DYNC1I2: variants seen among roughly 807,000 people sequenced by gnomAD.
DYNC1I2 encodes dynein cytoplasmic 1 intermediate chain 2.
In DYNC1I2, 53 loss-of-function variants were observed where a neutral mutation model predicts 88.6. That is an observed-to-expected ratio of 0.60 (90% confidence interval 0.48 to 0.75). The LOEUF is 0.75. DYNC1I2 is among the 30% of genes least tolerant of loss of function. The pLI is 0.00. For synonymous variants in DYNC1I2, 198 were observed against 254.6 expected, an observed-to-expected ratio of 0.78 and a Z score of 2.12; for missense variants, 458 against 766.6, an observed-to-expected ratio of 0.60 and a Z score of 4.75.
intron 7 of DYNC1I2, among the ~76,000 whole-genome samples, chr2:171,723,079 G>A (rs1193217340): frequency 6.6e-6 from 1 of 152,154 alleles, no homozygotes; most frequent in Admixed American, 6.5e-5. Context: ...AAGGAAAAGA[G>A]TGTCTATAAA....
chr2:171,692,872 G>T lies in DYNC1I2; in HGVS notation c.204G>T (p.Gly68=). ...CTGAAGCATTGCTTCAAAGCATGGG[G>T]CTAACTCCAGAATCCCCCATTGGTA... ...REAEALLQSM[G]LTPESPIVFS... is the part of the protein sequence containing the mutation. Residue 68 remains glycine (G), a synonymous_variant, in exon 3 of 18, where the codon GGG becomes GGT. Coordinates refer to ENST00000397119, the MANE Select transcript of DYNC1I2 (RefSeq NM_001378.3). 1 of 1,602,666 alleles carries T rather than the reference G, an allele frequency of 6.2e-7. No homozygotes were observed. The highest frequency in any genetic ancestry group is 8.5e-7 in the Non-Finnish European group (1 of 1,174,210).
rs1685311297 is a variant in DYNC1I2 at position 171,690,407 on chromosome 2, T to C, written c.108+144T>C. On this transcript the variant is annotated intron_variant, in intron 2 of 17. Coordinates refer to ENST00000397119, the MANE Select transcript of DYNC1I2 (RefSeq NM_001378.3). ...AATTATGATTGCTTTTGCACAAACC[T>C]AATAATTTCAGGATAGTTAAAAATC... The C allele has an allele frequency of 5.1e-6, 3 of 585,372 alleles. No homozygotes were observed. The South Asian group carries it at 8.4e-5, about 16-fold the overall frequency. 36.3% of individuals were successfully genotyped at this position (585,372 alleles called of 1,614,324 possible).
At chr2:171,719,836 G>A (rs1409358606) in intron 7 of DYNC1I2, among the ~76,000 whole-genome samples, 1 of 152,214 alleles carries the variant, frequency 6.6e-6, no homozygotes, top group South Asian at 2.1e-4. Context: ...GTCTTAAAGC[G>A]CCTACTGTGA....
intron 5 of DYNC1I2, among the ~76,000 whole-genome samples, chr2:171,708,581 A>G (rs1434477724): frequency 1.3e-5 from 2 of 152,220 alleles, no homozygotes; most frequent in African/African-American, 4.8e-5. Context: ...CTTATAAAAT[A>G]GTATGCATTA....
intron 14 of DYNC1I2, among the ~76,000 whole-genome samples, chr2:171,729,341 G>A (rs1227022658): frequency 2.0e-5 from 3 of 152,038 alleles, no homozygotes; most frequent in African/African-American, 7.2e-5. Flanking sequence ...AAAAAAAATT[G>A]AGTGTCCAGA....
chr2:171,728,621 A>G (rs1019990318), intron 13 of DYNC1I2, 96 bp from the exon 14 acceptor site: 4 of 1,127,092 alleles, frequency 3.5e-6, no homozygotes, highest in Non-Finnish European at 4.9e-6. Context: ...TATGTAAATA[A>G]TAAAAGAATT....
At chr2:171,747,689 A>G in intron 17 of DYNC1I2, 87 bp from the exon 18 acceptor site, 1 of 912,728 alleles carries the variant, frequency 1.1e-6, no homozygotes, top group Non-Finnish European at 1.6e-6. Context: ...TTTTTAACAG[A>G]AAAATTATTT....
intron 7 of DYNC1I2, among the ~76,000 whole-genome samples, chr2:171,715,779 G>C (rs762565966): frequency 2.6e-5 from 4 of 152,050 alleles, no homozygotes; most frequent in Non-Finnish European, 5.9e-5. Flanking sequence ...TTCTGTCATT[G>C]AGCATAATTC....
intron 15 of DYNC1I2, among the ~76,000 whole-genome samples, chr2:171,740,991 A>G (rs760441959): frequency 1.3e-5 from 2 of 152,170 alleles, no homozygotes; most frequent in African/African-American, 4.8e-5. Flanking sequence ...GGAAACCACT[A>G]ATCAATCTAC....
chr2:171,745,914 A>G lies in DYNC1I2; in HGVS notation c.1790A>G (p.Tyr597Cys). 1 of 1,613,732 alleles carries G rather than the reference A, an allele frequency of 6.2e-7. No individual in the cohort carries two copies. The highest frequency in any genetic ancestry group is 8.5e-7 in the Non-Finnish European group (1 of 1,179,718). ...GATTCTGAAGGACAGATTGTTATATACGATGTGGGAGAGGTATGGGACTCC... is the reference window on the plus strand; with the variant it reads ...GATTCTGAAGGACAGATTGTTATATGCGATGTGGGAGAGGTATGGGACTCC... ...VGDSEGQIVIYDVGEQIAVPR... is the reference protein window; with the variant it reads ...VGDSEGQIVICDVGEQIAVPR... The change falls in exon 17 of 18, where the codon TAC becomes TGC. Residue 597 changes from tyrosine to cysteine, a missense_variant. By Grantham distance (194) the Tyr-to-Cys change is radical. Transcript: ENST00000397119.
chr2:171,728,571 A>G (rs1452877781), intron 13 of DYNC1I2, 146 bp from the exon 14 acceptor site: 4 of 848,758 alleles, frequency 4.7e-6, no homozygotes, highest in Non-Finnish European at 7.0e-6. Context: ...TTTCATATAT[A>G]TATATTTTAC....
At chr2:171,720,183 G>A (rs918972745) in intron 7 of DYNC1I2, among the ~76,000 whole-genome samples, 5 of 151,934 alleles carry the variant, frequency 3.3e-5, no homozygotes, top group African/African-American at 4.8e-5. Context: ...AGAGAATATC[G>A]GGCATACATC....
chr2:171,696,626 A>C (rs1199984974), intron 3 of DYNC1I2, among the ~76,000 whole-genome samples: 2 of 152,140 alleles, frequency 1.3e-5, no homozygotes, highest in Non-Finnish European at 2.9e-5. Flanking sequence ...TGAGGTAGGG[A>C]TCCAACCTAA....
intron 10 of DYNC1I2, 111 bp downstream of exon 10, chr2:171,726,404 A>C: frequency 1.4e-6 from 1 of 722,872 alleles, no homozygotes; most frequent in South Asian, 2.1e-5. Context: ...TGTGTTATTT[A>C]AAATTAATGG....
chr2:171,710,745 C>T lies in DYNC1I2; in HGVS notation c.336-2022C>T, dbSNP rs759668352. 1.5e-4 allele frequency among the ~76,000 whole-genome samples: 23 copies of T among 149,838 alleles called. No homozygotes were observed. The Middle Eastern group carries it at 0.01, about 67-fold the overall frequency. The stretch of plus-strand genomic sequence containing the variant: ...TGAGTCAGAGTCTTGCTCTGTTGTC[C>T]GGGCTGGGGTGCAATGGCGTGATCT... On this transcript the variant is annotated intron_variant, in intron 5 of 17. Transcript: ENST00000397119.
chr2:171,702,836 C>T (rs1481682708), intron 3 of DYNC1I2, among the ~76,000 whole-genome samples: 1 of 152,020 alleles, frequency 6.6e-6, no homozygotes, highest in Non-Finnish European at 1.5e-5. Flanking sequence ...CCTCAGCCTC[C>T]CAAGTAGCTT....
chr2:171,711,583 G>A (rs1687130603), intron 5 of DYNC1I2, among the ~76,000 whole-genome samples: 1 of 152,182 alleles, frequency 6.6e-6, no homozygotes, highest in Non-Finnish European at 1.5e-5. Flanking sequence ...CAAAGCCTAA[G>A]CTTGTTGCTA....
At chr2:171,720,464 T>C (rs1687825059) in intron 7 of DYNC1I2, among the ~76,000 whole-genome samples, 1 of 152,150 alleles carries the variant, frequency 6.6e-6, no homozygotes, top group Non-Finnish European at 1.5e-5. Flanking sequence ...TTATCTAAAA[T>C]GGATTTTTCT....
chr2:171,687,756 T>C (rs1433249531), intron 1 of DYNC1I2, 129 bp downstream of exon 1: 1 of 152,568 alleles, frequency 6.6e-6, no homozygotes, highest in African/African-American at 2.4e-5. Context: ...TCCCTCTTTG[T>C]GTGCTTTGGA....
Sources: gnomAD v4.1 joint callset for allele counts (sites outside exome capture counted in the v4.1 genomes callset) on GRCh38, gnomAD v4.1.1 for gene constraint, MANE v1.5 for transcripts, NCBI Gene and HGNC (gene_info 2026-07-23, HGNC 2026-07-21) for gene names.